MAPT: variants seen among roughly 807,000 people sequenced by gnomAD.
MAPT encodes microtubule associated protein tau.
In MAPT, 34 loss-of-function variants were observed where a neutral mutation model predicts 67.9. The ratio of observed to expected loss-of-function variants is 0.50; its 90% CI spans 0.38 to 0.67. The LOEUF is 0.67. Among genes scored for constraint, MAPT ranks in the 30% least tolerant of loss-of-function variants. The pLI is 0.00. For synonymous variants in MAPT, 456 were observed against 464.5 expected, an observed-to-expected ratio of 0.98 and a Z score of 0.23; for missense variants, 881 against 1,115.2, an observed-to-expected ratio of 0.79 and a Z score of 2.99.
At chr17:45,988,755 A>T (rs895077636) in intron 6 of MAPT, among the ~76,000 whole-genome samples, 1 of 151,996 alleles carries the variant, frequency 6.6e-6, no homozygotes, top group African/African-American at 2.4e-5. Context: ...GCAAGACCCC[A>T]TCTCAAAAAA....
chr17:45,916,130 G>A (rs1190799007), intron 1 of MAPT, among the ~76,000 whole-genome samples: 3 of 152,230 alleles, frequency 2.0e-5, no homozygotes, highest in Admixed American at 6.5e-5. Flanking sequence ...GGGACTGAGA[G>A]CGCAGCCCCA....
chr17:45,900,168 T>A (rs1237971886), intron 1 of MAPT, among the ~76,000 whole-genome samples: 1 of 152,222 alleles, frequency 6.6e-6, no homozygotes, highest in Non-Finnish European at 1.5e-5. Context: ...GAGGCTTTTC[T>A]CACTTCCTGG....
intron 1 of MAPT, 84 bp from the exon 2 acceptor site, chr17:45,962,237 G>A: frequency 8.6e-7 from 1 of 1,158,466 alleles, no homozygotes; most frequent in Admixed American, 2.0e-5. Context: ...GCCATGAACT[G>A]GGAGGAGAGG....
chr17:45,900,706 G>T (rs929382531), intron 1 of MAPT, among the ~76,000 whole-genome samples: 1 of 152,170 alleles, frequency 6.6e-6, no homozygotes, highest in South Asian at 2.1e-4. Context: ...GAGGCAGTTT[G>T]GCCTAATGGT....
In MAPT at chr17:46,026,167, C is replaced by G. The variant is rs1383951342; in HGVS notation, c.*1996C>G. The stretch of plus-strand genomic sequence containing the variant: ...TCTAACCCACCCTCACGAGGTGTCT[C>G]TCACCCCCACACTGGGACTCGTGTG... On this transcript the variant is annotated 3_prime_UTR_variant, in exon 13 of 13. Coordinates refer to ENST00000262410, the MANE Select transcript of MAPT (RefSeq NM_001377265.1). The G allele has an allele frequency of 1.3e-5, 2 of 152,380 alleles. No individual in the cohort carries two copies. Among genetic ancestry groups the G allele is most frequent in the Admixed American group, 1.3e-4 (2 of 15,254 alleles). The allele number at this position is 152,380 out of a possible 1,614,324, so 9.4% of individuals were successfully genotyped here. A position where few individuals can be genotyped will look rare whatever the true frequency, so the allele number is the denominator to read the frequency against.
At chr17:45,927,732 G>A (rs1422209813) in intron 1 of MAPT, among the ~76,000 whole-genome samples, 2 of 152,076 alleles carry the variant, frequency 1.3e-5, no homozygotes, top group Non-Finnish European at 2.9e-5. Context: ...CAGGCGCGGT[G>A]ACTCACGCCT....
intron 5 of MAPT, among the ~76,000 whole-genome samples, chr17:45,984,640 A>G (rs796433796): frequency 1.8e-4 from 27 of 152,366 alleles, no homozygotes; most frequent in African/African-American, 6.5e-4. Flanking sequence ...AGCAGACACA[A>G]GATCTCCCTG....
At chr17:45,943,062 C>T (rs1467344541) in intron 1 of MAPT, among the ~76,000 whole-genome samples, 1 of 152,140 alleles carries the variant, frequency 6.6e-6, no homozygotes, top group Non-Finnish European at 1.5e-5. Context: ...TATGGCACTT[C>T]TCTTTTTTTG....
At chr17:46,021,184 GAC>G (rs1405593047) in intron 12 of MAPT, among the ~76,000 whole-genome samples, 1 of 152,248 alleles carries the variant, frequency 6.6e-6, no homozygotes, top group African/African-American at 2.4e-5. Context: ...CTTACCTCCA[GAC>G]ACGCCCTGAG....
chr17:45,914,033 A>G (rs1401846654), intron 1 of MAPT, among the ~76,000 whole-genome samples: 1 of 152,246 alleles, frequency 6.6e-6, no homozygotes, highest in Non-Finnish European at 1.5e-5. Flanking sequence ...AAAAACAGGT[A>G]GCTCACAGGA....
At chr17:45,978,344 A>ACCC (rs1270393400) in intron 3 of MAPT, 31 bp from the exon 4 acceptor site, 2 of 1,566,642 alleles carry the variant, frequency 1.3e-6, no homozygotes, top group Admixed American at 1.7e-5. Flanking sequence ...TCTTGCTTTT[A>ACCC]CCCCCCTTCA....
At chr17:45,961,816 C>T (rs1026920567) in intron 1 of MAPT, among the ~76,000 whole-genome samples, 4 of 150,904 alleles carry the variant, frequency 2.7e-5, no homozygotes, top group Non-Finnish European at 5.9e-5. Flanking sequence ...CACCCTGTCA[C>T]CCAGGCTGGA....
At chr17:45,972,099 T>C (rs953816083) in intron 3 of MAPT, 154 bp downstream of exon 3, 2 of 713,148 alleles carry the variant, frequency 2.8e-6, no homozygotes, top group South Asian at 1.5e-5. Context: ...AGCTGAGCCT[T>C]GCGTCGATGC....
At position 45,983,319 on chromosome 17, in the gene MAPT, G is replaced by T. The variant is rs1268244639; in HGVS notation, c.740G>T (p.Gly247Val). 5.0e-6 allele frequency: 8 copies of T among 1,601,774 alleles called. No individual in the cohort carries two copies. The highest frequency in any genetic ancestry group is 1.3e-5 in the African/African-American group (1 of 74,714). The change falls in exon 5 of 13, where the codon GGG (glycine) becomes GTG (valine). Residue 247 changes from glycine (G) to valine (V), a missense_variant. Around this residue, in one of 6 missense-constraint regions of MAPT, gnomAD observed 687 missense variants for 766.1 expected, o/e 0.90. Coordinates refer to ENST00000262410, the MANE Select transcript of MAPT (RefSeq NM_001377265.1). ...GPREATRQPS[G>V]TGPEDTEGGR... ...AGAGAGGCCACACGCCAACCTTCGGGGACAGGACCTGAGGACACAGAGGGC... is the reference window on the plus strand; with the variant it reads ...AGAGAGGCCACACGCCAACCTTCGGTGACAGGACCTGAGGACACAGAGGGC...
intron 9 of MAPT, among the ~76,000 whole-genome samples, chr17:46,000,593 C>T (rs982510924): frequency 1.1e-4 from 17 of 152,082 alleles, no homozygotes; most frequent in African/African-American, 4.1e-4. Context: ...TTCCAGTGCC[C>T]GAGCCTCCTG....
intron 9 of MAPT, among the ~76,000 whole-genome samples, chr17:46,000,550 C>T (rs1234524692): frequency 1.3e-5 from 2 of 152,086 alleles, no homozygotes; most frequent in Admixed American, 6.5e-5. Flanking sequence ...AAAGGGAGCA[C>T]CTGGCGGGAA....
At chr17:45,909,192 C>T (rs1267519687) in intron 1 of MAPT, among the ~76,000 whole-genome samples, 1 of 151,880 alleles carries the variant, frequency 6.6e-6, no homozygotes, top group Non-Finnish European at 1.5e-5. Context: ...AGACCACGAA[C>T]ACCCTGTGCC....
intron 11 of MAPT, 131 bp from the exon 12 acceptor site, chr17:46,018,487 T>C: frequency 1.3e-6 from 1 of 787,518 alleles, no homozygotes; most frequent in Non-Finnish European, 2.3e-6. Context: ...TGGCACCCAA[T>C]CTAATTTTTG....
chr17:45,932,572 G>A (rs1176202210), intron 1 of MAPT, among the ~76,000 whole-genome samples: 10 of 131,478 alleles, frequency 7.6e-5, no homozygotes, highest in Admixed American at 3.5e-4. Flanking sequence ...TTCAGCCTGG[G>A]AGACAGAGTA....
Sources: allele counts gnomAD v4.1 joint callset (sites outside exome capture counted in the v4.1 genomes callset), GRCh38; gene constraint gnomAD v4.1.1; regional missense constraint gnomAD v4.1.1; transcripts MANE v1.5; gene names NCBI Gene and HGNC (gene_info 2026-07-23, HGNC 2026-07-21).